The following GUCY1A1 variants were observed in gnomAD, a reference collection of about 807,000 sequenced individuals.
The protein encoded by GUCY1A1 is guanylate cyclase soluble subunit alpha-1.
Under a neutral mutation model 64.5 loss-of-function variants are expected in GUCY1A1, and 48 were observed. The ratio of observed to expected loss-of-function variants is 0.74; its 90% CI spans 0.59 to 0.95. GUCY1A1 has a LOEUF of 0.95. GUCY1A1 is among the 40% of genes least tolerant of loss of function. The pLI is 0.00. For missense variants in GUCY1A1, 804 were observed against 825.3 expected, an observed-to-expected ratio of 0.97 and a Z score of 0.32; for synonymous variants, 308 against 303.4, an observed-to-expected ratio of 1.02 and a Z score of -0.16.
At chr4:155,704,016 T>C (rs1403385716) in intron 4 of GUCY1A1, 23 bp downstream of exon 4, 1 of 1,459,688 alleles carries the variant, frequency 6.9e-7, no homozygotes, top group Non-Finnish European at 9.5e-7. Context: ...ACTTTAGTTG[T>C]GTGAACCTCT....
At position 155,733,828 on chromosome 4, in the gene GUCY1A1, G is replaced by C. The variant is rs190886772; in HGVS notation, c.*3597G>C. Among the ~76,000 whole-genome samples the C allele has an allele frequency of 3.3e-3, 507 of 151,764 alleles. 3 individuals carry two copies. Among genetic ancestry groups the C allele is most frequent in the Middle Eastern group, 0.01 (3 of 294 alleles). ...TCCAAAGACTATTAGAAACAGCATG[G>C]TTAAGGATAGGGTGGATATTTACTT... On this transcript the variant is annotated 3_prime_UTR_variant, in exon 10 of 10. Transcript: ENST00000506455.
chr4:155,732,538 CT>C lies in GUCY1A1; in HGVS notation c.*2310del, dbSNP rs1307478344. ...TATCTTTTTTTCTCTATCTTATCTG[CT>C]TTGAAGCATAGCGATTAGCGAGAAA... On this transcript the variant is annotated 3_prime_UTR_variant, in exon 10 of 10. Coordinates refer to ENST00000506455, the MANE Select transcript of GUCY1A1 (RefSeq NM_001130682.3). Among the ~76,000 whole-genome samples, 4 of 151,976 alleles carry C rather than the reference CT, an allele frequency of 2.6e-5. No individual in the cohort carries two copies. The East Asian group carries it at 5.8e-4, about 22-fold the overall frequency.
At position 155,702,833 on chromosome 4, in the gene GUCY1A1, C is replaced by G. The variant is rs559524899; in HGVS notation, c.256-1099C>G. Among the ~76,000 whole-genome samples, 41 of 152,158 alleles carry G rather than the reference C, an allele frequency of 2.7e-4. 1 individual carries two copies. In the East Asian group the frequency reaches 7.7e-3, roughly 29 times the overall value. On this transcript the variant is annotated intron_variant, in intron 3 of 9. Coordinates refer to ENST00000506455, the MANE Select transcript of GUCY1A1 (RefSeq NM_001130682.3). The stretch of plus-strand genomic sequence containing the variant: ...TCTATTTTGGTTTACTCCAGTACCT[C>G]ACTTGACTGGTGGAAACTCTACAAG...
chr4:155,704,026 T>A (rs764162482), intron 4 of GUCY1A1, 33 bp downstream of exon 4: 18 of 1,321,132 alleles, frequency 1.4e-5, no homozygotes, highest in Non-Finnish European at 1.9e-5. Flanking sequence ...TGTGAACCTC[T>A]TATTACAATG....
At chr4:155,669,221 T>C (rs1733784955) in intron 2 of GUCY1A1, among the ~76,000 whole-genome samples, 1 of 152,146 alleles carries the variant, frequency 6.6e-6, no homozygotes, top group African/African-American at 2.4e-5. Flanking sequence ...TTGTAATTAA[T>C]AGATGGGTAC....
rs1015700481 is a variant in GUCY1A1 at position 155,696,783 on chromosome 4, T to C, written c.-85T>C. 1.6e-5 allele frequency: 21 copies of C among 1,288,530 alleles called. No homozygotes were observed. The highest frequency in any genetic ancestry group is 2.2e-5 in the Non-Finnish European group (20 of 908,530). 79.8% of individuals were successfully genotyped at this position (1,288,530 alleles called of 1,614,324 possible). ...ATCCCAGTTACCAGTGTCCTTGAATTGATAGTGGCTTCTGTTTGTCAGTCT... is the reference window on the plus strand; with the variant it reads ...ATCCCAGTTACCAGTGTCCTTGAATCGATAGTGGCTTCTGTTTGTCAGTCT... On this transcript the variant is annotated 5_prime_UTR_variant, in exon 3 of 10. Transcript: ENST00000506455.
At chr4:155,716,314 T>G (rs1733226743) in intron 7 of GUCY1A1, among the ~76,000 whole-genome samples, 2 of 152,164 alleles carry the variant, frequency 1.3e-5, no homozygotes, top group Admixed American at 1.3e-4. Context: ...TGAGGCTTTG[T>G]GTAAGAATAA....
chr4:155,731,865 G>A lies in GUCY1A1; in HGVS notation c.*1634G>A, dbSNP rs34498703. 2.6e-4 allele frequency: 40 copies of A among 151,596 alleles called. No individual in the cohort carries two copies. Among genetic ancestry groups the A allele is most frequent in the Non-Finnish European group, 5.2e-4 (35 of 67,818 alleles). The allele number at this position is 151,596 out of a possible 1,614,324, so 9.4% of individuals were successfully genotyped here. ...GTACTACTATAGATATTACAATGAT[G>A]CTGTTTACTAAGTGATAACCCCGTA... On this transcript the variant is annotated 3_prime_UTR_variant, in exon 10 of 10. Transcript: ENST00000506455.
chr4:155,726,408 G>T (rs1734674227), intron 9 of GUCY1A1, among the ~76,000 whole-genome samples: 1 of 151,834 alleles, frequency 6.6e-6, no homozygotes, highest in Non-Finnish European at 1.5e-5. Flanking sequence ...TTAGTCAACG[G>T]TAGGGGCATA....
At position 155,720,862 on chromosome 4, in the gene GUCY1A1, C is replaced by T. The variant is rs552976985; in HGVS notation, c.1717-1176C>T. 1.2e-4 allele frequency among the ~76,000 whole-genome samples: 18 copies of T among 152,236 alleles called. 1 individual carries two copies. The highest frequency in any genetic ancestry group is 3.4e-3 in the Middle Eastern group (1 of 294). ...AAAATAATTAACATGGTATCATCAT[C>T]ATTTAAAATATCTCCACTTTAGCTT... On this transcript the variant is annotated intron_variant, in intron 8 of 9. Transcript: ENST00000506455.
intron 2 of GUCY1A1, among the ~76,000 whole-genome samples, chr4:155,684,751 T>G (rs1403422465): frequency 6.6e-6 from 1 of 152,202 alleles, no homozygotes; most frequent in Non-Finnish European, 1.5e-5. Flanking sequence ...CCTTTTTAGC[T>G]GCCTTTCAAT....
At chr4:155,670,320 G>A (rs1261668894) in intron 2 of GUCY1A1, among the ~76,000 whole-genome samples, 1 of 152,140 alleles carries the variant, frequency 6.6e-6, no homozygotes, top group Non-Finnish European at 1.5e-5. Flanking sequence ...CATTCATTCT[G>A]CAATAGTTTG....
At chr4:155,697,188 AG>A (rs1340815625) in intron 3 of GUCY1A1, 66 bp downstream of exon 3, 1 of 1,285,464 alleles carries the variant, frequency 7.8e-7, no homozygotes, top group Non-Finnish European at 1.1e-6. Flanking sequence ...TGTTTTTCCA[AG>A]GAAAATTTAA....
chr4:155,673,369 T>C (rs1256625959), intron 2 of GUCY1A1, among the ~76,000 whole-genome samples: 7 of 151,672 alleles, frequency 4.6e-5, no homozygotes, highest in South Asian at 2.1e-4. Context: ...GAATTATACA[T>C]GTCAGCACTT....
rs572885132 is a variant in GUCY1A1, at chr4:155,678,428, C to G, written c.-113+11009C>G. ...TTTTTACAATAATTTTATATCAAGTCCAGTTTATAATAGTGAACATTTCTT... is the reference window on the plus strand; with the variant it reads ...TTTTTACAATAATTTTATATCAAGTGCAGTTTATAATAGTGAACATTTCTT... On this transcript the variant is annotated intron_variant, in intron 2 of 9. Coordinates refer to ENST00000506455, the MANE Select transcript of GUCY1A1 (RefSeq NM_001130682.3). Among the ~76,000 whole-genome samples the G allele has an allele frequency of 2.7e-3, 407 of 152,198 alleles. 1 individual carries two copies. The highest frequency in any genetic ancestry group is 7.3e-3 in the South Asian group (35 of 4,800).
intron 5 of GUCY1A1, among the ~76,000 whole-genome samples, chr4:155,708,899 A>T (rs28460522): frequency 0.016 from 2,404 of 149,850 alleles, 66 homozygotes; most frequent in African/African-American, 0.056. Flanking sequence ...TTTTTCCCAC[A>T]TTACAGATAA....
At chr4:155,675,542 T>C (rs773766611) in intron 2 of GUCY1A1, among the ~76,000 whole-genome samples, 1 of 151,638 alleles carries the variant, frequency 6.6e-6, no homozygotes, top group Non-Finnish European at 1.5e-5. Flanking sequence ...TTTAATGTTT[T>C]AAAATATTTG....
intron 9 of GUCY1A1, among the ~76,000 whole-genome samples, chr4:155,722,772 C>T (rs1053394626): frequency 6.6e-6 from 1 of 152,136 alleles, no homozygotes; most frequent in Non-Finnish European, 1.5e-5. Flanking sequence ...CAAATCAGAA[C>T]CAACCAAATG....
At chr4:155,708,399 G>A (rs1732091508) in intron 5 of GUCY1A1, 105 bp downstream of exon 5, 2 of 672,402 alleles carry the variant, frequency 3.0e-6, no homozygotes, top group African/African-American at 3.6e-5. Flanking sequence ...CCAGTATGAA[G>A]TGTTCAATAT....
Sources: allele counts gnomAD v4.1 joint callset (sites outside exome capture counted in the v4.1 genomes callset), GRCh38; gene constraint gnomAD v4.1.1; transcripts MANE v1.5; gene names NCBI Gene and HGNC (gene_info 2026-07-23, HGNC 2026-07-21).